Variants in SCAP observed in about 807,000 individuals in gnomAD.
SCAP encodes sterol regulatory element-binding protein cleavage-activating protein.
A neutral mutation model predicts 123.6 loss-of-function variants in SCAP; 65 were observed. That is an observed-to-expected ratio of 0.53 (90% confidence interval 0.43 to 0.65). The LOEUF is 0.65. Ranked by LOEUF, SCAP falls within the 30% of genes least tolerant of loss-of-function variation. The pLI, the probability that SCAP is intolerant of heterozygous loss-of-function variation, is 0.00. For missense variants in SCAP, 1,398 were observed against 1,712.5 expected, an observed-to-expected ratio of 0.82 and a Z score of 3.24; for synonymous variants, 740 against 726.3, an observed-to-expected ratio of 1.02 and a Z score of -0.30.
chr3:47,414,024 A>T lies in SCAP; in HGVS notation c.3670T>A (p.Phe1224Ile), dbSNP rs1288197610. 1 of 1,613,168 alleles carries T rather than the reference A, an allele frequency of 6.2e-7. No individual in the cohort carries two copies. Among genetic ancestry groups the T allele is most frequent in the Non-Finnish European group, 8.5e-7 (1 of 1,180,024 alleles). The change falls in exon 23 of 23, where the codon TTT (phenylalanine) becomes ATT (isoleucine). Residue 1224 changes from phenylalanine to isoleucine, a missense_variant. Phe to Ile is a conservative substitution (Grantham distance 21, BLOSUM62 0). Transcript: ENST00000265565. ...AGGTCCCCGTAGTTTAGGTCCCAAA[A>T]GGAGACACAGCCCTGGCCGCCAGTC... The part of the protein sequence containing the change: ...LVTGGQGCVS[F>I]WDLNYGDLLQ...
At position 47,419,080 on chromosome 3, in the gene SCAP, T is replaced by G. The variant is rs1229120170; in HGVS notation, c.1941-237A>C. Among the ~76,000 whole-genome samples the G allele has an allele frequency of 2.0e-5, 3 of 152,032 alleles. No individual in the cohort carries two copies. Among genetic ancestry groups the G allele is most frequent in the African/African-American group, 7.2e-5 (3 of 41,396 alleles). ...CTGGTGGCCGTGTGGGGTATCTCCC[T>G]CCCCACTCCTGGCACAGGTGGGTGG... is the stretch of plus-strand genomic sequence containing the variant. On this transcript the variant is annotated intron_variant, in intron 13 of 22. Transcript: ENST00000265565. The surrounding 1 kb of genome is among the most constrained non-coding windows in gnomAD (Gnocchi z 5.0).
chr3:47,420,500 C>T lies in SCAP; in HGVS notation c.1563+54G>A. On this transcript the variant is annotated intron_variant, in intron 12 of 22. Coordinates refer to ENST00000265565, the MANE Select transcript of SCAP (RefSeq NM_012235.4). This position sits in a 1 kb window ranked among gnomAD's most constrained non-coding sequence, Gnocchi z 5.0. The stretch of plus-strand genomic sequence containing the variant: ...AGGCCAAGTGCAGCACCACAAGGGG[C>T]CTGGAGCACCGGCCCTCCAGAAGAG... 2.7e-6 allele frequency: 4 copies of T among 1,463,184 alleles called. No homozygotes were observed. Among genetic ancestry groups the T allele is most frequent in the Non-Finnish European group, 3.7e-6 (4 of 1,083,122 alleles). 90.6% of individuals were successfully genotyped at this position (1,463,184 alleles called of 1,614,324 possible).
chr3:47,435,524 A>T (rs1248221307), intron 2 of SCAP, among the ~76,000 whole-genome samples: 1 of 150,180 alleles, frequency 6.7e-6, no homozygotes, highest in Non-Finnish European at 1.5e-5. Context: ...ACACAGATAG[A>T]TAGGCGCCTG....
At chr3:47,418,627 C>A in intron 14 of SCAP, 28 bp downstream of exon 14, 3 of 530,496 alleles carry the variant, frequency 5.7e-6, no homozygotes, top group Non-Finnish European at 8.8e-6. Flanking sequence ...CGCACTCTTT[C>A]CCACCCCACC....
intron 1 of SCAP, among the ~76,000 whole-genome samples, chr3:47,459,171 T>C (rs1239772627): frequency 6.6e-6 from 1 of 152,180 alleles, no homozygotes; most frequent in Non-Finnish European, 1.5e-5. Context: ...TTTCACACAA[T>C]GTCTTGGCCC....
In SCAP at chr3:47,428,565, A is replaced by ACAAAGGTGAACGAAATACATCTACTGC; in HGVS notation, c.331_357dup (p.Ala111_Leu119dup). The ACAAAGGTGAACGAAATACATCTACTGC allele has an allele frequency of 5.0e-6, 8 of 1,614,194 alleles. No individual in the cohort carries two copies. The highest frequency in any genetic ancestry group is 6.8e-6 in the Non-Finnish European group (8 of 1,180,034). The stretch of plus-strand genomic sequence containing the variant: ...TCCTCCACCAGTTGGAATGCCCGGG[A>ACAAAGGTGAACGAAATACATCTACTGC]CAAAGGTGAACGAAATACATCTACT... On this transcript the variant is annotated inframe_insertion, in exon 4 of 23. Transcript: ENST00000265565.
intron 1 of SCAP, among the ~76,000 whole-genome samples, chr3:47,457,146 A>C (rs1462775407): frequency 6.6e-6 from 1 of 152,210 alleles, no homozygotes; most frequent in Non-Finnish European, 1.5e-5. Flanking sequence ...TAAATGCACA[A>C]AACACCTGGG....
Position 47,443,233 on chromosome 3 carries a change from TACACACACACACACAC to T in SCAP, c.-98-158_-98-143del, listed in dbSNP as rs60723433. On this transcript the variant is annotated intron_variant, in intron 1 of 22. Coordinates refer to ENST00000265565, the MANE Select transcript of SCAP (RefSeq NM_012235.4). ...AGGTCTAGTGACCTCAATCCCAAAA[TACACACACACACACAC>T]ACACACACACACACACACACACACA... 28 of 104,810 alleles carry T rather than the reference TACACACACACACACAC, an allele frequency of 2.7e-4. No individual in the cohort carries two copies. The East Asian group carries it at 3.2e-3, about 12-fold the overall frequency. 6.5% of individuals were successfully genotyped at this position (104,810 alleles called of 1,614,324 possible). A position where few individuals can be genotyped will look rare whatever the true frequency, so the allele number is the denominator to read the frequency against.
rs1249535772 is a variant in SCAP, at chr3:47,414,653, C to G, written c.3307-1G>C. ...AGCACGAGTCCTCCAGACGGAACAC[C>G]TGGGACAGGGATGGGCCTCAGGTTC... On this transcript the variant is annotated splice_acceptor_variant, in intron 20 of 22. Transcript: ENST00000265565. LOFTEE classifies it high-confidence loss of function. 1 of 1,613,278 alleles carries G rather than the reference C, an allele frequency of 6.2e-7. No homozygotes were observed. Among genetic ancestry groups the G allele is most frequent in the Non-Finnish European group, 8.5e-7 (1 of 1,180,006 alleles).
Position 47,419,476 on chromosome 3 carries a change from G to A in SCAP, c.1792C>T (p.Pro598Ser), listed in dbSNP as rs368946042. 2.3e-5 allele frequency: 37 copies of A among 1,613,986 alleles called. No individual in the cohort carries two copies. The African/African-American group carries it at 3.6e-4, about 16-fold the overall frequency. ...ACCTCTGCTGGACCTCCACGCTCAG[G>A]TGACTCGCCTGGCGACGTCTGGTTC... ...PENQTSPGES[P>S]ERGGPAEVVH... The change falls in exon 13 of 23, where the codon CCT becomes TCT. Residue 598 changes from proline (P) to serine (S), a missense_variant. Coordinates refer to ENST00000265565, the MANE Select transcript of SCAP (RefSeq NM_012235.4). The surrounding 1 kb of genome is among the most constrained non-coding windows in gnomAD (Gnocchi z 5.0).
chr3:47,443,195 A>C, intron 1 of SCAP, 104 bp from the exon 2 acceptor site: 7 of 697,308 alleles, frequency 1.0e-5, no homozygotes, highest in Admixed American at 3.2e-5. Context: ...TGGTTTCAGA[A>C]TGCCTATATG....
rs371809207 is a variant in SCAP, at chr3:47,447,388, G to A, written c.-98-4297C>T. ...AGCCTAGGTGACAGACTGTGACTCCGTCTCAAAAAAGGAGAAAAAGGCCAG... is the reference window on the plus strand; with the variant it reads ...AGCCTAGGTGACAGACTGTGACTCCATCTCAAAAAAGGAGAAAAAGGCCAG... On this transcript the variant is annotated intron_variant, in intron 1 of 22. Coordinates refer to ENST00000265565, the MANE Select transcript of SCAP (RefSeq NM_012235.4). Among the ~76,000 whole-genome samples, 10 of 151,576 alleles carry A rather than the reference G, an allele frequency of 6.6e-5. No individual in the cohort carries two copies. The East Asian group carries it at 1.2e-3, about 18-fold the overall frequency.
At chr3:47,446,639 ATTTG>A (rs1707055862) in intron 1 of SCAP, among the ~76,000 whole-genome samples, 1 of 151,948 alleles carries the variant, frequency 6.6e-6, no homozygotes, top group African/African-American at 2.4e-5. Flanking sequence ...GTAGTTTCAC[ATTTG>A]TTTAAGTCTG....
Position 47,414,829 on chromosome 3 carries a change from T to G in SCAP, c.3304A>C (p.Arg1102=), listed in dbSNP as rs768460492. The G allele has an allele frequency of 2.5e-6, 4 of 1,605,108 alleles. No individual in the cohort carries two copies. The African/African-American group carries it at 5.3e-5, about 21-fold the overall frequency. The change falls in exon 20 of 23, where the codon AGA becomes CGA. Residue 1102 remains arginine (R), a splice_region_variant and synonymous_variant. Coordinates refer to ENST00000265565, the MANE Select transcript of SCAP (RefSeq NM_012235.4). ...LVTGSQDHTL[R]VFRLEDSCCL... Reference sequence around the variant, plus strand: ...CCAAGAGACAAGACAATACTCACTCTCAGTGTGTGGTCTTGGCTCCCAGTC... The same window carrying G: ...CCAAGAGACAAGACAATACTCACTCGCAGTGTGTGGTCTTGGCTCCCAGTC...
At chr3:47,442,799 T>C (rs565410878) in intron 2 of SCAP, 73 bp downstream of exon 2, 5 of 1,391,776 alleles carry the variant, frequency 3.6e-6, no homozygotes, top group South Asian at 1.2e-5. Flanking sequence ...AAGGGCTCCA[T>C]AGTGGTTAGG....
At chr3:47,423,250 G>C (rs889544295) in intron 9 of SCAP, among the ~76,000 whole-genome samples, 1 of 152,172 alleles carries the variant, frequency 6.6e-6, no homozygotes, top group African/African-American at 2.4e-5. Flanking sequence ...ATTTTCCCTA[G>C]AACCCCAGAT....
chr3:47,435,711 T>C (rs962237073), intron 2 of SCAP, among the ~76,000 whole-genome samples: 2 of 152,116 alleles, frequency 1.3e-5, no homozygotes, highest in African/African-American at 2.4e-5. Context: ...TGAGTAACTT[T>C]TACTGAAAGG....
At chr3:47,444,917 G>A (rs1291681691) in intron 1 of SCAP, among the ~76,000 whole-genome samples, 11 of 151,396 alleles carry the variant, frequency 7.3e-5, no homozygotes, top group Non-Finnish European at 1.6e-4. Context: ...GATTACAGGT[G>A]CCCGCCACCA....
chr3:47,474,022 T>C (rs572580395), intron 1 of SCAP, among the ~76,000 whole-genome samples: 1 of 152,082 alleles, frequency 6.6e-6, no homozygotes, highest in East Asian at 1.9e-4. Flanking sequence ...TCCCAGCACT[T>C]TGGGAGGCCG....
Sources: gnomAD v4.1 joint callset for allele counts (sites outside exome capture counted in the v4.1 genomes callset) on GRCh38, gnomAD v4.1.1 for gene constraint, Gnocchi (gnomAD v3.1) non-coding constraint, MANE v1.5 for transcripts, NCBI Gene and HGNC (gene_info 2026-07-23, HGNC 2026-07-21) for gene names.